Variants in TMEM165 observed in about 807,000 individuals in gnomAD.
TMEM165 encodes the protein putative divalent cation/proton antiporter TMEM165.
Under a neutral mutation model 30.0 loss-of-function variants are expected in TMEM165, and 19 were observed. That is an observed-to-expected ratio of 0.63 (90% CI 0.44 to 0.93). TMEM165 has a LOEUF of 0.93. Ranked by LOEUF, TMEM165 falls within the 40% of genes least tolerant of loss-of-function variation. The pLI is 0.00. For missense variants in TMEM165, 340 were observed against 417.0 expected (o/e 0.82, Z 1.61); for synonymous variants, 168 against 162.9 (o/e 1.03, Z -0.24).
At chr4:55,406,676 T>C (rs565988348) in intron 1 of TMEM165, among the ~76,000 whole-genome samples, 91 of 152,354 alleles carry the variant, frequency 6.0e-4, no homozygotes, top group African/African-American at 2.1e-3. Context: ...TCTCTTTGTT[T>C]TGAGACAGGG....
intron 1 of TMEM165, among the ~76,000 whole-genome samples, chr4:55,408,375 AC>A (rs2109536717): frequency 6.6e-6 from 1 of 152,278 alleles, no homozygotes; most frequent in Admixed American, 6.5e-5. Flanking sequence ...CCTAGAGTGT[AC>A]TCAACACAAA....
chr4:55,430,550 AAAATTAAAGACC>A (rs1429454718), downstream of TMEM165: 1 of 152,236 alleles, frequency 6.6e-6, no homozygotes, highest in African/African-American at 2.4e-5. Flanking sequence ...AGGAGACATT[AAAATTAAAGACC>A]AAATTATACT....
intron 3 of TMEM165, chr4:55,443,564 A>T (rs1460880697): frequency 1.5e-5 from 12 of 782,902 alleles, no homozygotes; most frequent in Non-Finnish European, 2.4e-5. Context: ...TCAATACTAT[A>T]CTTTCTAAAT....
At chr4:55,426,623 A>AG (rs1560400016), downstream of TMEM165, among the ~76,000 whole-genome samples, 7 of 152,146 alleles carry the variant, frequency 4.6e-5, no homozygotes, top group East Asian at 1.2e-3. Context: ...TTGAAGGACA[A>AG]TTCTACAGAA....
intron 2 of TMEM165, among the ~76,000 whole-genome samples, chr4:55,416,342 A>G (rs954047864): frequency 2.1e-4 from 32 of 152,078 alleles, no homozygotes; most frequent in Non-Finnish European, 1.0e-4. Context: ...CAAATTTTTA[A>G]GTTTTAATTA....
At chr4:55,404,278 G>A (rs1032844824) in intron 1 of TMEM165, among the ~76,000 whole-genome samples, 2 of 151,578 alleles carry the variant, frequency 1.3e-5, no homozygotes, top group Admixed American at 6.6e-5. Context: ...GCCTCCCAAA[G>A]TGCTGGGATG....
intron 1 of TMEM165, among the ~76,000 whole-genome samples, chr4:55,402,735 C>CCATGCCCG (rs2109525903): frequency 6.9e-6 from 1 of 145,858 alleles, no homozygotes; most frequent in South Asian, 2.1e-4. Context: ...GCATGAGCCA[C>CCATGCCCG]CATGCCCGGC....
At chr4:55,400,952 C>A (rs1288021504) in intron 1 of TMEM165, among the ~76,000 whole-genome samples, 1 of 150,600 alleles carries the variant, frequency 6.6e-6, no homozygotes, top group African/African-American at 2.5e-5. Context: ...ATGTAAGTTT[C>A]AACGGATTTG....
rs912032519 is a variant in TMEM165 at position 55,425,930 on chromosome 4, TAA to T, written c.*484_*485del. The T allele has an allele frequency of 6.6e-6, 1 of 152,228 alleles. No homozygotes were observed. Among genetic ancestry groups the T allele is most frequent in the Non-Finnish European group, 1.5e-5 (1 of 68,114 alleles). The allele number at this position is 152,228 out of a possible 1,614,324, so 9.4% of individuals were successfully genotyped here. A position where few individuals can be genotyped will look rare whatever the true frequency, so the allele number is the denominator to read the frequency against. The stretch of plus-strand genomic sequence containing the variant: ...ATTGGTCTTTTCAAAACTAGGTGTT[TAA>T]AAAAAGAGACATATATGATATTGCT... On this transcript the variant is annotated 3_prime_UTR_variant, in exon 6 of 6. Transcript: ENST00000381334.
At chr4:55,402,119 C>CAA (rs71194551) in intron 1 of TMEM165, among the ~76,000 whole-genome samples, 1 of 107,032 alleles carries the variant, frequency 9.3e-6, no homozygotes, top group Non-Finnish European at 1.7e-5. Flanking sequence ...ACTCTGTCTC[C>CAA]AAAAAAAAAA....
Position 55,425,934 on chromosome 4 carries a change from A to T in TMEM165, c.*482A>T, listed in dbSNP as rs6802. 34,906 of 152,270 alleles carry T rather than the reference A, an allele frequency of 0.23. 4,576 individuals are homozygous for T. The highest frequency in any genetic ancestry group is 0.37 in the South Asian group (1,789 of 4,828). The allele number at this position is 152,270 out of a possible 1,614,324, so 9.4% of individuals were successfully genotyped here. On this transcript the variant is annotated 3_prime_UTR_variant, in exon 6 of 6. Transcript: ENST00000381334. ...GTCTTTTCAAAACTAGGTGTTTAAA[A>T]AAAGAGACATATATGATATTGCTGT...
chr4:55,439,034 G>A (rs1723134266), intron 3 of TMEM165, among the ~76,000 whole-genome samples: 1 of 152,160 alleles, frequency 6.6e-6, no homozygotes, highest in African/African-American at 2.4e-5. Flanking sequence ...TAAAAATCTT[G>A]TGAATCAAAG....
downstream of TMEM165, chr4:55,428,062 AAAC>A (rs753684181): frequency 1.6e-4 from 24 of 152,354 alleles, no homozygotes; most frequent in South Asian, 4.1e-4. Flanking sequence ...AAATTGAAGG[AAAC>A]AAAGTCTGGA....
chr4:55,397,782 T>G (rs984643144), intron 1 of TMEM165, among the ~76,000 whole-genome samples: 1 of 152,114 alleles, frequency 6.6e-6, no homozygotes, highest in Non-Finnish European at 1.5e-5. Flanking sequence ...GGTCTCGCTC[T>G]GTCGCCCAGG....
At position 55,396,232 on chromosome 4, in the gene TMEM165, C is replaced by T. The variant is rs900598742; in HGVS notation, c.43C>T (p.Arg15Trp). ...AGGGAACGGCCGCGCATCGGCGCCC[C>T]GGCTGCTTCTGCTCTTTCTGGTTCC... The part of the protein sequence containing the change: ...APGNGRASAP[R>W]LLLLFLVPLL... The change falls in exon 1 of 6, where the codon CGG (arginine) becomes TGG (tryptophan). Residue 15 changes from arginine to tryptophan, a missense_variant. By Grantham distance (101) the Arg-to-Trp change is moderately radical. This residue lies in a region of TMEM165 where 120 missense variants were observed against 109.4 expected (regional missense o/e 1.10). Transcript: ENST00000381334. The T allele has an allele frequency of 4.1e-6, 6 of 1,475,280 alleles. No homozygotes were observed. Among genetic ancestry groups the T allele is most frequent in the African/African-American group, 2.9e-5 (2 of 68,478 alleles). 91.4% of individuals were successfully genotyped at this position (1,475,280 alleles called of 1,614,324 possible).
At chr4:55,415,168 T>C (rs533159246) in intron 2 of TMEM165, 1 of 152,376 alleles carries the variant, frequency 6.6e-6, no homozygotes, top group South Asian at 2.1e-4. Flanking sequence ...TCTTGCATAT[T>C]CACCAGTGAG....
intron 3 of TMEM165, among the ~76,000 whole-genome samples, chr4:55,439,816 G>A (rs772939027): frequency 6.6e-6 from 1 of 152,118 alleles, no homozygotes; most frequent in Non-Finnish European, 1.5e-5. Flanking sequence ...CCAATTTACA[G>A]GGACAGAAAG....
rs767103152 is a variant in TMEM165 at position 55,417,894 on chromosome 4, C to T, written c.701C>T (p.Ser234Leu). The T allele has an allele frequency of 6.8e-6, 11 of 1,613,962 alleles. No individual in the cohort carries two copies. The South Asian group carries it at 1.2e-4, about 18-fold the overall frequency. The part of the protein sequence containing the change: ...VPQKKWLHFI[S>L]PIFVQALTLT... ...CAGAAAAAGTGGTTGCATTTTATTT[C>T]ACCCATTTTTGTTCAAGCTCTTACA... The change falls in exon 4 of 6, where the codon TCA becomes TTA. Residue 234 changes from serine to leucine, a missense_variant. Physicochemically the swap from Ser to Leu is moderately radical, Grantham distance 145. This residue lies in a region of TMEM165 where 220 missense variants were observed against 307.6 expected (regional missense o/e 0.72). Transcript: ENST00000381334.
At chr4:55,403,458 T>G in intron 1 of TMEM165, 1 of 281,998 alleles carries the variant, frequency 3.5e-6, no homozygotes, top group Non-Finnish European at 5.4e-6. Context: ...CATGAAAGTA[T>G]AAAAGAATAC....
Sources: allele counts gnomAD v4.1 joint callset (sites outside exome capture counted in the v4.1 genomes callset), GRCh38; gene constraint gnomAD v4.1.1; regional missense constraint gnomAD v4.1.1; transcripts MANE v1.5; gene names NCBI Gene and HGNC (gene_info 2026-07-23, HGNC 2026-07-21).